The following CDH13 variants were observed in gnomAD, a reference collection of about 807,000 sequenced individuals.
The protein encoded by CDH13 is cadherin-13.
CDH13 carries 24 observed loss-of-function variants against 63.8 expected under a neutral mutation model. The ratio of observed to expected loss-of-function variants is 0.38; its 90% CI spans 0.27 to 0.53. The LOEUF is 0.53. Ranked by LOEUF, CDH13 falls within the 20% of genes least tolerant of loss-of-function variation. The pLI, the probability that CDH13 is intolerant of heterozygous loss-of-function variation, is 0.85. For missense variants in CDH13, 1,049 were observed against 903.1 expected (o/e 1.16, Z -2.07); for synonymous variants, 503 against 355.3 (o/e 1.42, Z -4.67).
At chr16:83,538,331 C>G (rs1444788593) in intron 7 of CDH13, among the ~76,000 whole-genome samples, 1 of 152,164 alleles carries the variant, frequency 6.6e-6, no homozygotes, top group African/African-American at 2.4e-5. Flanking sequence ...TCACTGTCCC[C>G]TGAAGCAGTC....
At chr16:82,656,139 C>G (rs558360318) in intron 1 of CDH13, among the ~76,000 whole-genome samples, 10 of 152,272 alleles carry the variant, frequency 6.6e-5, no homozygotes, top group Non-Finnish European at 1.3e-4. Flanking sequence ...GACATATGAG[C>G]TGAGACTGAA....
Position 83,647,140 on chromosome 16 carries a change from C to T in CDH13, c.1102-23650C>T, listed in dbSNP as rs982922240. ...CCTGTATAACACGGTGAAATCCCGT[C>T]TCTACTAAAAACACAAAAAATTAGC... On this transcript the variant is annotated intron_variant, in intron 8 of 13. Coordinates refer to ENST00000567109, the MANE Select transcript of CDH13 (RefSeq NM_001257.5). Among the ~76,000 whole-genome samples the T allele has an allele frequency of 5.9e-5, 9 of 151,904 alleles. No individual in the cohort carries two copies. In the South Asian group the frequency reaches 8.3e-4, roughly 14 times the overall value.
intron 4 of CDH13, among the ~76,000 whole-genome samples, chr16:83,216,416 ATATATATATAT>A (rs2039519712): frequency 1.2e-4 from 11 of 90,296 alleles, no homozygotes; most frequent in Admixed American, 2.6e-4. Flanking sequence ...ATATATATAT[ATATATATATAT>A]ATATATATAT....
chr16:83,444,219 C>G (rs1211585724), intron 6 of CDH13, among the ~76,000 whole-genome samples: 1 of 151,878 alleles, frequency 6.6e-6, no homozygotes, highest in African/African-American at 2.4e-5. Context: ...TAATGATGAC[C>G]ATAGTAATGA....
intron 3 of CDH13, among the ~76,000 whole-genome samples, chr16:83,046,376 A>G (rs1003591460): frequency 6.6e-6 from 1 of 152,224 alleles, no homozygotes; most frequent in Non-Finnish European, 1.5e-5. Flanking sequence ...TCCAGCAGAA[A>G]ACCAATTTGG....
At chr16:83,049,587 A>T (rs4783310) in intron 3 of CDH13, among the ~76,000 whole-genome samples, 1 of 151,974 alleles carries the variant, frequency 6.6e-6, no homozygotes, top group African/African-American at 2.4e-5. Flanking sequence ...CGCCTGCCTC[A>T]GCCTCCCAGA....
At chr16:83,678,160 C>A (rs781564202) in intron 9 of CDH13, 48 bp from the exon 10 acceptor site, 1 of 1,568,702 alleles carries the variant, frequency 6.4e-7, no homozygotes, top group Non-Finnish European at 8.7e-7. Flanking sequence ...AAACCACCTG[C>A]CTTTTGTGGC....
intron 1 of CDH13, among the ~76,000 whole-genome samples, chr16:82,805,488 A>T (rs1263852396): frequency 6.6e-6 from 1 of 152,152 alleles, no homozygotes; most frequent in Non-Finnish European, 1.5e-5. Flanking sequence ...AGAAGAGTGT[A>T]TTTGGGCAGA....
chr16:83,772,468 TA>T (rs1567585852), intron 11 of CDH13, among the ~76,000 whole-genome samples: 2 of 152,184 alleles, frequency 1.3e-5, no homozygotes, highest in Non-Finnish European at 2.9e-5. Flanking sequence ...AACTGCTGGT[TA>T]AAAAGAAAAA....
intron 6 of CDH13, among the ~76,000 whole-genome samples, chr16:83,422,076 T>A (rs1161373127): frequency 6.6e-6 from 1 of 152,202 alleles, no homozygotes; most frequent in African/African-American, 2.4e-5. Flanking sequence ...GAATCAATCA[T>A]ACAGAAAAGT....
In CDH13 at chr16:83,460,404, C is replaced by T. The variant is rs79430144; in HGVS notation, c.782-26073C>T. ...TCTCTGCAAGGAATTCTCATTTATG[C>T]CCCTGGGCACAGAGACAAGAACACT... On this transcript the variant is annotated intron_variant, in intron 6 of 13. Transcript: ENST00000567109. Among the ~76,000 whole-genome samples the T allele has an allele frequency of 7.2e-3, 1,097 of 152,286 alleles. 10 individuals are homozygous for T. The highest frequency in any genetic ancestry group is 0.025 in the African/African-American group (1,036 of 41,548).
At chr16:83,092,467 G>A (rs1191690601) in intron 3 of CDH13, among the ~76,000 whole-genome samples, 4 of 152,206 alleles carry the variant, frequency 2.6e-5, no homozygotes, top group African/African-American at 9.6e-5. Context: ...ATCTGGAACT[G>A]TCTAACTAGA....
chr16:82,910,286 C>T lies in CDH13; in HGVS notation c.157+51813C>T, dbSNP rs778939662. Among the ~76,000 whole-genome samples the T allele has an allele frequency of 2.0e-5, 3 of 152,312 alleles. No homozygotes were observed. The East Asian group carries it at 5.8e-4, about 29-fold the overall frequency. On this transcript the variant is annotated intron_variant, in intron 2 of 13. Coordinates refer to ENST00000567109, the MANE Select transcript of CDH13 (RefSeq NM_001257.5). ...AATCCAGCCTATTCTGGCCGATACT[C>T]ATAGCTATGAGCAGCCTTGTACATG...
intron 8 of CDH13, among the ~76,000 whole-genome samples, chr16:83,665,012 T>C (rs1913804752): frequency 1.3e-5 from 2 of 152,174 alleles, no homozygotes; most frequent in African/African-American, 2.4e-5. Flanking sequence ...GTTGTATCTT[T>C]CCGCCATGAG....
intron 5 of CDH13, among the ~76,000 whole-genome samples, chr16:83,266,983 T>A (rs902368605): frequency 6.6e-6 from 1 of 152,346 alleles, no homozygotes; most frequent in South Asian, 2.1e-4. Context: ...ACAGGAGTTA[T>A]GACTGTTGTT....
chr16:82,922,610 A>C (rs2042189741), intron 2 of CDH13, among the ~76,000 whole-genome samples: 1 of 152,178 alleles, frequency 6.6e-6, no homozygotes, highest in Non-Finnish European at 1.5e-5. Context: ...GATCTTAACA[A>C]GTTGGTACTT....
At chr16:83,393,168 T>G (rs1460484106) in intron 6 of CDH13, among the ~76,000 whole-genome samples, 1 of 152,214 alleles carries the variant, frequency 6.6e-6, no homozygotes, top group Non-Finnish European at 1.5e-5. Context: ...TGAGACCATG[T>G]CACCCAGAGC....
chr16:82,926,266 C>T (rs540079629), intron 2 of CDH13, among the ~76,000 whole-genome samples: 2 of 150,704 alleles, frequency 1.3e-5, no homozygotes, highest in East Asian at 3.9e-4. Flanking sequence ...TGACAGTGTT[C>T]CAGTAAAACG....
intron 3 of CDH13, among the ~76,000 whole-genome samples, chr16:83,060,977 C>G (rs1167055337): frequency 6.6e-6 from 1 of 152,214 alleles, no homozygotes; most frequent in African/African-American, 2.4e-5. Context: ...ATGACTCTCA[C>G]TCCTACACTC....
Sources: gnomAD v4.1 joint callset for allele counts (sites outside exome capture counted in the v4.1 genomes callset) on GRCh38, gnomAD v4.1.1 for gene constraint, MANE v1.5 for transcripts, NCBI Gene and HGNC (gene_info 2026-07-23, HGNC 2026-07-21) for gene names.